The following FAM200A variants were observed in gnomAD, a reference collection of about 807,000 sequenced individuals.
FAM200A encodes protein FAM200A.
FAM200A carries 26 observed loss-of-function variants against 44.2 expected under a neutral mutation model. That is an observed-to-expected ratio of 0.59 (90% CI 0.43 to 0.82). The LOEUF (loss-of-function observed/expected upper bound fraction) is 0.82. Among genes scored for constraint, FAM200A ranks in the 40% least tolerant of loss-of-function variants. FAM200A has a pLI of 0.00. For missense variants in FAM200A, 606 were observed against 669.5 expected, an observed-to-expected ratio of 0.91 and a Z score of 1.05; for synonymous variants, 206 against 244.4, an observed-to-expected ratio of 0.84 and a Z score of 1.47.
rs1408547763 is a variant in FAM200A at position 99,546,732 on chromosome 7, G to T, written c.1676C>A (p.Pro559His). The T allele has an allele frequency of 1.3e-6, 2 of 1,543,860 alleles. No individual in the cohort carries two copies. The highest frequency in any genetic ancestry group is 1.7e-4 in the Middle Eastern group (1 of 5,954). ...TCTGTTCATAAGTTCCTTCCAGTCA[G>T]GAACACATGAAGATAATGCTACCCG... ...DMRVALSSCVPDWKELMNRQA... is the reference protein window; with the variant it reads ...DMRVALSSCVHDWKELMNRQA... Residue 559 changes from proline to histidine, a missense_variant, in exon 2 of 2, where the codon CCT becomes CAT. Coordinates refer to ENST00000449309, the MANE Select transcript of FAM200A (RefSeq NM_145111.4).
At position 99,546,711 on chromosome 7, in the gene FAM200A, T is replaced by TA; in HGVS notation, c.1696_1697insT (p.Asn566IlefsTer19). The TA allele has an allele frequency of 6.5e-6, 10 of 1,536,844 alleles. No homozygotes were observed. The highest frequency in any genetic ancestry group is 4.9e-5 in the South Asian group (4 of 81,142). On this transcript the variant is annotated frameshift_variant, in exon 2 of 2. Coordinates refer to ENST00000449309, the MANE Select transcript of FAM200A (RefSeq NM_145111.4). LOFTEE classifies it high-confidence loss of function. ...TTAATGTGATGGGTGTGCTTGTCTGTTCATAAGTTCCTTCCAGTCAGGAAC... is the reference window on the plus strand; with the variant it reads ...TTAATGTGATGGGTGTGCTTGTCTGTATCATAAGTTCCTTCCAGTCAGGAAC...
At chr7:99,553,434 A>C (rs759806208), upstream of FAM200A, among the ~76,000 whole-genome samples, 12 of 152,078 alleles carry the variant, frequency 7.9e-5, no homozygotes, top group Non-Finnish European at 1.5e-4. Context: ...TGTGGCAGGA[A>C]TTGTAGGCAT....
Position 99,552,008 on chromosome 7 carries a change from C to T in FAM200A, c.-254G>A, listed in dbSNP as rs1162234778. 3.0e-6 allele frequency: 3 copies of T among 985,462 alleles called. No homozygotes were observed. Among genetic ancestry groups the T allele is most frequent in the East Asian group, 2.3e-4 (2 of 8,826 alleles). 61.0% of individuals were successfully genotyped at this position (985,462 alleles called of 1,614,324 possible). Reference sequence around the variant, plus strand: ...ATGCACGTCCAACTCTGTCCCCGCCCGGAGAAGTCTGGGATGCTGGGATAG... The same window carrying T: ...ATGCACGTCCAACTCTGTCCCCGCCTGGAGAAGTCTGGGATGCTGGGATAG... On this transcript the variant is annotated 5_prime_UTR_variant, in exon 1 of 2. Transcript: ENST00000449309.
At position 99,547,881 on chromosome 7, in the gene FAM200A, A is replaced by G; in HGVS notation, c.527T>C (p.Leu176Ser). The G allele has an allele frequency of 1.3e-6, 2 of 1,551,114 alleles. No individual in the cohort carries two copies. The highest frequency in any genetic ancestry group is 2.4e-5 in the East Asian group (1 of 40,916). Residue 176 changes from leucine to serine, a missense_variant, in exon 2 of 2, where the codon TTA becomes TCA. By Grantham distance (145) the Leu-to-Ser change is moderately radical (BLOSUM62 -2). Transcript: ENST00000449309. ...TCCAGTTATATGTGAATTTAAATTTAAACAACATAAGAGATCCTCTACAAA... is the reference window on the plus strand; with the variant it reads ...TCCAGTTATATGTGAATTTAAATTTGAACAACATAAGAGATCCTCTACAAA... ...DDFVEDLLCC[L>S]NLNSHITGLD... is the part of the protein sequence containing the mutation.
chr7:99,551,214 C>CA (rs976377698), intron 1 of FAM200A, among the ~76,000 whole-genome samples: 1 of 151,890 alleles, frequency 6.6e-6, no homozygotes, highest in African/African-American at 2.4e-5. Flanking sequence ...GTTTTTGAGA[C>CA]AGAGTCTCAC....
At position 99,547,105 on chromosome 7, in the gene FAM200A, TAA is replaced by T; in HGVS notation, c.1301_1302del (p.Phe434Ter). The T allele has an allele frequency of 6.5e-7, 1 of 1,547,242 alleles. No individual in the cohort carries two copies. The highest frequency in any genetic ancestry group is 8.7e-7 in the Non-Finnish European group (1 of 1,145,846). Reference sequence around the variant, plus strand: ...AATTTCTCTTCCGGAAAGTAATAATTAAAAGTTTGAGACAAAGAAGTGAGATG... The same window carrying T: ...AATTTCTCTTCCGGAAAGTAATAATTAAGTTTGAGACAAAGAAGTGAGATG... The part of the protein sequence containing the change: ...LLHLTSLSQT[F>X]NYYFPEEKFE... On this transcript the variant is annotated frameshift_variant, in exon 2 of 2. Coordinates refer to ENST00000449309, the MANE Select transcript of FAM200A (RefSeq NM_145111.4). LOFTEE classifies it high-confidence loss of function.
chr7:99,551,291 C>T (rs1802522632), intron 1 of FAM200A, among the ~76,000 whole-genome samples: 1 of 151,960 alleles, frequency 6.6e-6, no homozygotes, highest in Non-Finnish European at 1.5e-5. Flanking sequence ...CCTCCGCCTC[C>T]CGGGTTCAAG....
intron 1 of FAM200A, among the ~76,000 whole-genome samples, chr7:99,549,168 T>G (rs1380776135): frequency 6.8e-6 from 1 of 146,816 alleles, no homozygotes; most frequent in East Asian, 2.3e-4. Context: ...AATGAGAACT[T>G]GTATTTCTTA....
upstream of FAM200A, among the ~76,000 whole-genome samples, chr7:99,553,923 T>G (rs773321557): frequency 1.3e-5 from 2 of 152,198 alleles, no homozygotes; most frequent in Non-Finnish European, 2.9e-5. Context: ...GGTGGGTTCC[T>G]TAGTTTCAGG....
At chr7:99,554,490 A>AG (rs1405904769), upstream of FAM200A, among the ~76,000 whole-genome samples, 3 of 151,624 alleles carry the variant, frequency 2.0e-5, no homozygotes, top group African/African-American at 7.3e-5. Context: ...AAAAAAAAAA[A>AG]AAAAAAAAAA....
upstream of FAM200A, among the ~76,000 whole-genome samples, chr7:99,552,954 T>C (rs1317049268): frequency 6.7e-6 from 1 of 149,798 alleles, no homozygotes; most frequent in African/African-American, 2.5e-5. Flanking sequence ...AATAATCCAC[T>C]TAAGTGCATC....
chr7:99,553,051 A>ATG (rs1562927024), upstream of FAM200A, among the ~76,000 whole-genome samples: 24 of 104,906 alleles, frequency 2.3e-4, no homozygotes, highest in African/African-American at 8.4e-4. Flanking sequence ...ATACACACAC[A>ATG]TATATATATA....
chr7:99,552,266 C>T, upstream of FAM200A: 2 of 693,056 alleles, frequency 2.9e-6, no homozygotes, highest in Non-Finnish European at 3.6e-6. Context: ...CGAGGAGGTG[C>T]ACAGGGCGGG....
At position 99,546,552 on chromosome 7, in the gene FAM200A, A is replaced by T. The variant is rs1397122564; in HGVS notation, c.*134T>A. ...CCTGGCTAAGGTTTCTATTTTTAGT[A>T]GAGATGGGGTTTCACCATGTTGGCC... On this transcript the variant is annotated 3_prime_UTR_variant, in exon 2 of 2. Transcript: ENST00000449309. 10 of 922,768 alleles carry T rather than the reference A, an allele frequency of 1.1e-5. No homozygotes were observed. The highest frequency in any genetic ancestry group is 1.3e-5 in the Non-Finnish European group (9 of 675,252). 57.2% of individuals were successfully genotyped at this position (922,768 alleles called of 1,614,324 possible). A position where few individuals can be genotyped will look rare whatever the true frequency, so the allele number is the denominator to read the frequency against.
chr7:99,547,587 C>T lies in FAM200A; in HGVS notation c.821G>A (p.Ser274Asn). 1.9e-6 allele frequency: 3 copies of T among 1,551,408 alleles called. No individual in the cohort carries two copies. The highest frequency in any genetic ancestry group is 2.6e-6 in the Non-Finnish European group (3 of 1,146,934). The change falls in exon 2 of 2, where the codon AGC becomes AAC. Residue 274 changes from serine to asparagine, a missense_variant. Coordinates refer to ENST00000449309, the MANE Select transcript of FAM200A (RefSeq NM_145111.4). ...AVKTVNFIKG[S>N]SLNSRLLEIF... Reference sequence around the variant, plus strand: ...TTCGAGAAGTCGGCTATTCAGTGAGCTTCCTTTAATAAAATTAACAGTTTT... The same window carrying T: ...TTCGAGAAGTCGGCTATTCAGTGAGTTTCCTTTAATAAAATTAACAGTTTT...
intron 1 of FAM200A, among the ~76,000 whole-genome samples, chr7:99,551,239 T>C (rs183228648): frequency 3.6e-4 from 54 of 151,494 alleles, no homozygotes; most frequent in African/African-American, 1.3e-3. Context: ...TCTCTCTGTC[T>C]CCCAGGCTGG....
At chr7:99,550,297 T>TA (rs1199819833) in intron 1 of FAM200A, among the ~76,000 whole-genome samples, 1 of 151,988 alleles carries the variant, frequency 6.6e-6, no homozygotes, top group Admixed American at 6.6e-5. Context: ...TTTTAGTAGA[T>TA]ACGGGGTTTC....
intron 1 of FAM200A, among the ~76,000 whole-genome samples, chr7:99,557,348 T>C (rs1056435519): frequency 6.6e-6 from 1 of 152,190 alleles, no homozygotes; most frequent in Non-Finnish European, 1.5e-5. Flanking sequence ...AGGTACAACC[T>C]GTGAAGGGTT....
chr7:99,553,093 ATATATATTTTTT>A (rs1292256296), upstream of FAM200A, among the ~76,000 whole-genome samples: 10 of 90,484 alleles, frequency 1.1e-4, no homozygotes, highest in African/African-American at 7.4e-4. Context: ...ATATATATAT[ATATATATTTTTT>A]TTTTTTTTTT....
Sources: allele counts gnomAD v4.1 joint callset (sites outside exome capture counted in the v4.1 genomes callset), GRCh38; gene constraint gnomAD v4.1.1; transcripts MANE v1.5; gene names NCBI Gene and HGNC (gene_info 2026-07-23, HGNC 2026-07-21).